Variants in LRCH3 observed in about 807,000 individuals in gnomAD.
LRCH3 encodes the protein DISP complex protein LRCH3.
In LRCH3, 68 loss-of-function variants were observed where a neutral mutation model predicts 104.5. The observed-to-expected ratio is 0.65, with a 90% CI of 0.54 to 0.80. The LOEUF (loss-of-function observed/expected upper bound fraction) is 0.80, where lower values mean the gene tolerates loss of function less well. LRCH3 is among the 30% of genes least tolerant of loss of function. LRCH3 has a pLI of 0.00. For missense variants in LRCH3, 951 were observed against 953.9 expected, an observed-to-expected ratio of 1.00 and a Z score of 0.04; for synonymous variants, 344 against 361.3, an observed-to-expected ratio of 0.95 and a Z score of 0.54.
chr3:197,847,860 C>A lies in LRCH3; in HGVS notation c.1381-12C>A, dbSNP rs763629697. On this transcript the variant is annotated splice_polypyrimidine_tract_variant and intron_variant, in intron 11 of 20. Transcript: ENST00000425562. Reference sequence around the variant, plus strand: ...TTTTACTTTTGTATGCACAATAACGCTTTGGTTCCAGCTGTCACACACAGA... The same window carrying A: ...TTTTACTTTTGTATGCACAATAACGATTTGGTTCCAGCTGTCACACACAGA... 9 of 1,612,942 alleles carry A rather than the reference C, an allele frequency of 5.6e-6. No homozygotes were observed. The Admixed American group carries it at 1.3e-4, about 24-fold the overall frequency.
intron 20 of LRCH3, among the ~76,000 whole-genome samples, chr3:197,879,462 T>C (rs61793823): frequency 0.088 from 13,120 of 149,380 alleles, 919 homozygotes; most frequent in African/African-American, 0.18. Flanking sequence ...CTGGCTAACA[T>C]GGTGAAACCC....
At chr3:197,841,819 TTGTTTTGTTTTG>T (rs1737836784) in intron 10 of LRCH3, among the ~76,000 whole-genome samples, 2 of 117,900 alleles carry the variant, frequency 1.7e-5, no homozygotes, top group South Asian at 4.9e-4. Flanking sequence ...ATGTTTTGTT[TTGTTTTGTTTTG>T]TTTTGTTTTG....
chr3:197,819,681 A>G (rs1306143613), intron 3 of LRCH3, among the ~76,000 whole-genome samples: 4 of 151,750 alleles, frequency 2.6e-5, no homozygotes, highest in South Asian at 2.1e-4. Context: ...GTGCTATTGC[A>G]CTCCAGCTCG....
At chr3:197,844,391 A>AAT (rs1222180398) in intron 10 of LRCH3, among the ~76,000 whole-genome samples, 1 of 151,900 alleles carries the variant, frequency 6.6e-6, no homozygotes, top group African/African-American at 2.4e-5. Context: ...GCTAAATGAG[A>AAT]ATGGTTGTTG....
rs530491766 is a variant in LRCH3, at chr3:197,870,080, G to A, written c.1874-80G>A. ...GAAAGCCATGCACTGCACTTGCAGG[G>A]AAACTGTGATGAGGCAGAGCCGGAT... On this transcript the variant is annotated intron_variant, in intron 17 of 20. Transcript: ENST00000425562. The A allele has an allele frequency of 2.5e-4, 364 of 1,458,192 alleles. No homozygotes were observed. The African/African-American group carries it at 4.3e-3, about 17-fold the overall frequency. 90.3% of individuals were successfully genotyped at this position (1,458,192 alleles called of 1,614,324 possible).
rs184777376 is a variant in LRCH3, at chr3:197,845,852, C to T, written c.1329-1557C>T. The stretch of plus-strand genomic sequence containing the variant: ...CCTGGGAGGTGGAGGTTGTGGTGAG[C>T]GAGATCGTGCCACTGCACTCCAGCC... On this transcript the variant is annotated intron_variant, in intron 10 of 20. Transcript: ENST00000425562. Among the ~76,000 whole-genome samples, 199 of 152,274 alleles carry T rather than the reference C, an allele frequency of 1.3e-3. 1 individual carries two copies. The highest frequency in any genetic ancestry group is 4.5e-3 in the African/African-American group (188 of 41,544).
At chr3:197,803,763 C>T (rs2109125739) in intron 1 of LRCH3, among the ~76,000 whole-genome samples, 2 of 152,186 alleles carry the variant, frequency 1.3e-5, no homozygotes, top group African/African-American at 4.8e-5. Flanking sequence ...GTTCGCAGGA[C>T]CTTGTGAGAA....
chr3:197,815,563 A>T (rs1733708831), intron 2 of LRCH3, among the ~76,000 whole-genome samples: 1 of 152,220 alleles, frequency 6.6e-6, no homozygotes, highest in South Asian at 2.1e-4. Context: ...CCTGTAATTA[A>T]CAAACCTTAC....
chr3:197,838,466 T>C (rs1737246629), intron 9 of LRCH3, among the ~76,000 whole-genome samples: 1 of 151,790 alleles, frequency 6.6e-6, no homozygotes. Context: ...TGGAAGTAGA[T>C]GGTAAGTAGT....
At chr3:197,844,839 T>C (rs1441585248) in intron 10 of LRCH3, among the ~76,000 whole-genome samples, 1 of 151,182 alleles carries the variant, frequency 6.6e-6, no homozygotes, top group Non-Finnish European at 1.5e-5. Context: ...CAGGATGGCC[T>C]CTTATCTCCT....
At chr3:197,818,852 G>A (rs140384001) in intron 3 of LRCH3, among the ~76,000 whole-genome samples, 27 of 152,246 alleles carry the variant, frequency 1.8e-4, no homozygotes, top group African/African-American at 5.5e-4. Context: ...CCAGCCAGGC[G>A]CAGTGGCTCA....
At chr3:197,848,226 C>G (rs1330419181) in intron 12 of LRCH3, 1 of 532,836 alleles carries the variant, frequency 1.9e-6, no homozygotes, top group Admixed American at 3.5e-5. Flanking sequence ...GTAAATCTGT[C>G]ATTGGACATG....
chr3:197,883,375 C>A lies in LRCH3; in HGVS notation c.2209-166C>A. On this transcript the variant is annotated intron_variant, in intron 20 of 20. Coordinates refer to ENST00000425562, the MANE Select transcript of LRCH3 (RefSeq NM_001365715.1). This position sits in a 1 kb window ranked among gnomAD's most constrained non-coding sequence, Gnocchi z 4.2. The stretch of plus-strand genomic sequence containing the variant: ...TAAAGTGACAGTGAGTGTCAGACAC[C>A]ATCTCTCTAACTCATATTTACACTG... The A allele has an allele frequency of 7.2e-7, 1 of 1,387,820 alleles. No homozygotes were observed. The highest frequency in any genetic ancestry group is 9.4e-7 in the Non-Finnish European group (1 of 1,069,252). The allele number at this position is 1,387,820 out of a possible 1,614,324, so 86.0% of individuals were successfully genotyped here.
intron 12 of LRCH3, 126 bp from the exon 13 acceptor site, chr3:197,852,434 GA>G: frequency 3.4e-6 from 3 of 879,304 alleles, no homozygotes; most frequent in Admixed American, 2.3e-5. Flanking sequence ...AGTAAATCTA[GA>G]AAAATGCTAT....
rs904181016 is a variant in LRCH3 at position 197,848,219 on chromosome 3, A to C, written c.1530+198A>C. On this transcript the variant is annotated intron_variant, in intron 12 of 20. Transcript: ENST00000425562. ...ACAAGTGATTATCTTGTTAACGGTA[A>C]ATCTGTCATTGGACATGTCACTTTA... The C allele has an allele frequency of 7.3e-6, 4 of 550,730 alleles. No homozygotes were observed. In the East Asian group the frequency reaches 9.3e-5, roughly 13 times the overall value. 34.1% of individuals were successfully genotyped at this position (550,730 alleles called of 1,614,324 possible).
intron 4 of LRCH3, among the ~76,000 whole-genome samples, chr3:197,822,205 C>A (rs545349347): frequency 3.9e-5 from 6 of 152,306 alleles, no homozygotes; most frequent in Non-Finnish European, 8.8e-5. Context: ...GGAACCTTCA[C>A]ACTTTTTATC....
intron 1 of LRCH3, among the ~76,000 whole-genome samples, chr3:197,800,824 G>A (rs1560519916): frequency 1.3e-5 from 2 of 152,102 alleles, no homozygotes; most frequent in Non-Finnish European, 2.9e-5. Context: ...GGCCAAGTGC[G>A]GTGGCTCACA....
chr3:197,838,272 A>T (rs1330376550), intron 9 of LRCH3, among the ~76,000 whole-genome samples: 1 of 152,238 alleles, frequency 6.6e-6, no homozygotes, highest in Non-Finnish European at 1.5e-5. Flanking sequence ...CAAAAATTTT[A>T]AAATGGTGTC....
In LRCH3 at chr3:197,831,705, C is replaced by T. The variant is rs1234323664; in HGVS notation, c.982-492C>T. ...TCACCCAGGCTGGAGTGCAGTGGCACGACCATGGCTCAAGCAGTCCTCCCA... is the reference window on the plus strand; with the variant it reads ...TCACCCAGGCTGGAGTGCAGTGGCATGACCATGGCTCAAGCAGTCCTCCCA... On this transcript the variant is annotated intron_variant, in intron 7 of 20. Coordinates refer to ENST00000425562, the MANE Select transcript of LRCH3 (RefSeq NM_001365715.1). Among the ~76,000 whole-genome samples, 9 of 150,562 alleles carry T rather than the reference C, an allele frequency of 6.0e-5. No individual in the cohort carries two copies. In the East Asian group the frequency reaches 1.8e-3, roughly 30 times the overall value.
Sources: allele counts gnomAD v4.1 joint callset (sites outside exome capture counted in the v4.1 genomes callset), GRCh38; gene constraint gnomAD v4.1.1; non-coding constraint Gnocchi (gnomAD v3.1); transcripts MANE v1.5; gene names NCBI Gene and HGNC (gene_info 2026-07-23, HGNC 2026-07-21).